The following ANKRD30B variants were observed in gnomAD, a reference collection of about 807,000 sequenced individuals.
ANKRD30B encodes the protein ankyrin repeat domain-containing protein 30B.
Under a neutral mutation model 202.2 loss-of-function variants are expected in ANKRD30B, and 144 were observed. That is an observed-to-expected ratio of 0.71 (90% CI 0.62 to 0.82). ANKRD30B has a LOEUF of 0.82. Ranked by LOEUF, ANKRD30B falls within the 40% of genes least tolerant of loss-of-function variation. The probability of loss-of-function intolerance (pLI) is 0.00; values close to 1 mark genes in which losing one functional copy is unlikely to be tolerated. For synonymous variants in ANKRD30B, 508 were observed against 561.3 expected, an observed-to-expected ratio of 0.91 and a Z score of 1.34; for missense variants, 1,487 against 1,669.1, an observed-to-expected ratio of 0.89 and a Z score of 1.90.
At chr18:14,759,984 C>A (rs192364370) in intron 5 of ANKRD30B, among the ~76,000 whole-genome samples, 189 of 152,224 alleles carry the variant, frequency 1.2e-3, no homozygotes, top group African/African-American at 4.3e-3. Flanking sequence ...TCAAGCAATC[C>A]CCCTGTCTCA....
chr18:14,850,514 G>A (rs1436522932), intron 41 of ANKRD30B, 132 bp downstream of exon 41: 5 of 936,206 alleles, frequency 5.3e-6, no homozygotes, highest in Admixed American at 4.0e-5. Context: ...AATTAACTAT[G>A]ACTTTTGTAG....
the ANKRD30B span, among the ~76,000 whole-genome samples, chr18:14,926,584 T>A: frequency 0.014 from 2,189 of 152,342 alleles, 42 homozygotes; most frequent in African/African-American, 0.05. Flanking sequence ...AAGGTAATAT[T>A]TGAATTTTTT....
chr18:14,778,839 G>C (rs1967546324), intron 10 of ANKRD30B, among the ~76,000 whole-genome samples: 1 of 152,098 alleles, frequency 6.6e-6, no homozygotes, highest in African/African-American at 2.4e-5. Flanking sequence ...CTGGAAGAAG[G>C]GCCATTGGAT....
At chr18:14,762,788 G>A (rs972268794) in intron 6 of ANKRD30B, among the ~76,000 whole-genome samples, 1 of 152,130 alleles carries the variant, frequency 6.6e-6, no homozygotes, top group Non-Finnish European at 1.5e-5. Flanking sequence ...AATATGAACT[G>A]TATGAGCACA....
the ANKRD30B span, chr18:14,883,397 CTCTATA>C: frequency 1.9e-3 from 100 of 52,374 alleles, no homozygotes; most frequent in African/African-American, 8.2e-3. Flanking sequence ...CTCTCTCTCT[CTCTATA>C]TATATATATA....
At chr18:14,829,082 A>C (rs1970792130) in intron 33 of ANKRD30B, among the ~76,000 whole-genome samples, 1 of 151,908 alleles carries the variant, frequency 6.6e-6, no homozygotes, top group Non-Finnish European at 1.5e-5. Context: ...CTTATTTATA[A>C]TCTTTTCCTG....
At chr18:14,844,439 C>T (rs1971547766) in intron 39 of ANKRD30B, among the ~76,000 whole-genome samples, 1 of 152,126 alleles carries the variant, frequency 6.6e-6, no homozygotes, top group Non-Finnish European at 1.5e-5. Flanking sequence ...TACATATGAA[C>T]TTCATGGTAC....
At chr18:14,791,656 A>G (rs1017937119) in intron 16 of ANKRD30B, among the ~76,000 whole-genome samples, 165 bp downstream of exon 16, 9 of 152,184 alleles carry the variant, frequency 5.9e-5, no homozygotes, top group Non-Finnish European at 1.0e-4. Context: ...GGTGTTGGTA[A>G]CAGAGTATAT....
At chr18:14,892,571 T>C in the ANKRD30B span, among the ~76,000 whole-genome samples, 2 of 151,846 alleles carry the variant, frequency 1.3e-5, no homozygotes, top group Non-Finnish European at 2.9e-5. Context: ...AAACCCCGTT[T>C]CTACTAAAAA....
At chr18:14,749,332 G>A (rs1008962667) in intron 1 of ANKRD30B, among the ~76,000 whole-genome samples, 1 of 152,114 alleles carries the variant, frequency 6.6e-6, no homozygotes, top group African/African-American at 2.4e-5. Context: ...TTTTGTAATG[G>A]AGTAGAAAAG....
At chr18:14,917,123 C>T in the ANKRD30B span, among the ~76,000 whole-genome samples, 1 of 152,188 alleles carries the variant, frequency 6.6e-6, no homozygotes, top group East Asian at 1.9e-4. Context: ...AGCTGGACTC[C>T]CTCCCCCTGG....
intron 8 of ANKRD30B, 48 bp from the exon 9 acceptor site, chr18:14,772,108 T>C: frequency 8.0e-7 from 1 of 1,251,524 alleles, no homozygotes. Flanking sequence ...GATTTTCTTT[T>C]TAAATATATG....
intron 5 of ANKRD30B, among the ~76,000 whole-genome samples, chr18:14,759,797 A>G (rs1396504179): frequency 6.6e-6 from 1 of 152,270 alleles, no homozygotes; most frequent in Non-Finnish European, 1.5e-5. Context: ...GATGCCTTGA[A>G]TTACAAGCCA....
chr18:14,775,465 T>C (rs1269416257), intron 9 of ANKRD30B, among the ~76,000 whole-genome samples: 2 of 152,210 alleles, frequency 1.3e-5, no homozygotes, highest in African/African-American at 2.4e-5. Flanking sequence ...ACTTGGAACT[T>C]GAAAAGATAA....
intron 36 of ANKRD30B, among the ~76,000 whole-genome samples, chr18:14,839,758 A>T (rs1268150999): frequency 6.6e-6 from 1 of 152,068 alleles, no homozygotes; most frequent in African/African-American, 2.4e-5. Flanking sequence ...ATGTAAAATT[A>T]TTTTCATTAT....
chr18:14,810,036 T>C (rs761619345), intron 27 of ANKRD30B, 22 bp downstream of exon 27: 1 of 1,451,762 alleles, frequency 6.9e-7, no homozygotes, highest in Non-Finnish European at 9.6e-7. Flanking sequence ...TATATTTTTA[T>C]CTTGAATATT....
At chr18:14,875,430 A>G in the ANKRD30B span, among the ~76,000 whole-genome samples, 1 of 152,164 alleles carries the variant, frequency 6.6e-6, no homozygotes, top group Non-Finnish European at 1.5e-5. Context: ...CATGTTCAGA[A>G]AGTGAAGGGG....
At chr18:14,764,240 T>A (rs925083390) in intron 7 of ANKRD30B, 150 bp downstream of exon 7, 1 of 786,182 alleles carries the variant, frequency 1.3e-6, no homozygotes, top group Non-Finnish European at 1.8e-6. Flanking sequence ...AATAAATAGA[T>A]CTTATTCTGT....
At chr18:14,925,448 A>C in the ANKRD30B span, among the ~76,000 whole-genome samples, 1 of 152,158 alleles carries the variant, frequency 6.6e-6, no homozygotes, top group Non-Finnish European at 1.5e-5. Context: ...CGGCTCTGGG[A>C]GAGTGGCCTG....
Sources: allele counts gnomAD v4.1 joint callset (sites outside exome capture counted in the v4.1 genomes callset), GRCh38; gene constraint gnomAD v4.1.1; transcripts MANE v1.5; gene names NCBI Gene and HGNC (gene_info 2026-07-23, HGNC 2026-07-21).